The following SMC1A variants were observed in gnomAD, a reference collection of about 807,000 sequenced individuals.
SMC1A encodes the protein structural maintenance of chromosomes protein 1A.
A neutral mutation model predicts 94.5 loss-of-function variants in SMC1A; 4 were observed. The ratio of observed to expected loss-of-function variants is 0.04; its 90% CI spans 0.02 to 0.10. The LOEUF (loss-of-function observed/expected upper bound fraction) is 0.10. Among genes scored for constraint, SMC1A ranks in the 10% least tolerant of loss-of-function variants. The pLI, the probability that SMC1A is intolerant of heterozygous loss-of-function variation, is 1.00. For synonymous variants in SMC1A, 345 were observed against 347.7 expected, an observed-to-expected ratio of 0.99 and a Z score of 0.09; for missense variants, 304 against 989.0, an observed-to-expected ratio of 0.31 and a Z score of 9.29.
chrX:53,383,336 G>T, intron 19 of SMC1A, 83 bp from the exon 20 acceptor site: 1 of 1,004,389 alleles, frequency 1.0e-6, no homozygotes, highest in Non-Finnish European at 1.4e-6. Flanking sequence ...GACTGAGTGT[G>T]GCCTGGGCGC....
At chrX:53,420,905 T>C (rs2075751947) in intron 1 of SMC1A, among the ~76,000 whole-genome samples, 1 of 111,932 alleles carries the variant, frequency 8.9e-6, no homozygotes, top group Non-Finnish European at 1.9e-5. Context: ...ACCATCAATA[T>C]AGGACTTAAT....
chrX:53,383,862 G>A (rs2075594596), intron 19 of SMC1A, among the ~76,000 whole-genome samples: 1 of 111,763 alleles, frequency 8.9e-6, no homozygotes, highest in Non-Finnish European at 1.9e-5. Flanking sequence ...GAGCTCAGGG[G>A]TCTAACAGAG....
chrX:53,413,911 T>C (rs1333882649), intron 3 of SMC1A, among the ~76,000 whole-genome samples: 2 of 110,013 alleles, frequency 1.8e-5, no homozygotes, highest in African/African-American at 6.6e-5. Flanking sequence ...ACTCCATCTC[T>C]ACCCAAAATA....
intron 13 of SMC1A, among the ~76,000 whole-genome samples, chrX:53,404,746 C>T (rs1286571562): frequency 1.8e-5 from 2 of 111,309 alleles, no homozygotes; most frequent in African/African-American, 6.5e-5. Flanking sequence ...TCCACCGTGC[C>T]CGGCCGAGTA....
intron 19 of SMC1A, among the ~76,000 whole-genome samples, chrX:53,387,247 G>C (rs1556886559): frequency 8.9e-6 from 1 of 111,832 alleles, no homozygotes; most frequent in South Asian, 3.7e-4. Context: ...CACCCACCTC[G>C]GCCTCCCAAA....
intron 1 of SMC1A, among the ~76,000 whole-genome samples, chrX:53,416,100 A>G (rs1269199770): frequency 1.8e-5 from 2 of 108,344 alleles, no homozygotes; most frequent in African/African-American, 6.7e-5. Context: ...TCAGGAGTTC[A>G]AGACCAGCCT....
Position 53,377,992 on chromosome X carries a change from A to G in SMC1A, c.*2111T>C, listed in dbSNP as rs1416464735. ...ACAAATTTATTTTGTTTTGATAGTT[A>G]TGTCTTTTAATATGTATTAGAAGAA... On this transcript the variant is annotated 3_prime_UTR_variant, in exon 25 of 25. Coordinates refer to ENST00000322213, the MANE Select transcript of SMC1A (RefSeq NM_006306.4). 1.8e-5 allele frequency: 2 copies of G among 111,960 alleles called. No homozygotes were observed. The highest frequency in any genetic ancestry group is 6.5e-5 in the African/African-American group (2 of 30,670). 9.2% of individuals were successfully genotyped at this position (111,960 alleles called of 1,213,427 possible).
At position 53,381,006 on chromosome X, in the gene SMC1A, C is replaced by A; in HGVS notation, c.3507+12G>T. The A allele has an allele frequency of 5.8e-6, 7 of 1,202,780 alleles. No individual in the cohort carries two copies. The highest frequency in any genetic ancestry group is 7.9e-6 in the Non-Finnish European group (7 of 887,460). ...GGGCATCCCTCCCAGGCCCCACTTT[C>A]TTTGCACCCACCTTGCCAATGTTGG... On this transcript the variant is annotated intron_variant, in intron 23 of 24. Transcript: ENST00000322213.
intron 15 of SMC1A, 54 bp from the exon 16 acceptor site, chrX:53,399,784 C>T: frequency 3.6e-6 from 4 of 1,126,050 alleles, no homozygotes; most frequent in Non-Finnish European, 4.8e-6. Flanking sequence ...CCAGAGATAA[C>T]CAATGTACAA....
intron 22 of SMC1A, 41 bp from the exon 23 acceptor site, chrX:53,381,128 AG>A (rs2075581088): frequency 5.4e-6 from 2 of 372,400 alleles, no homozygotes; most frequent in Non-Finnish European, 1.0e-5. Context: ...TGAGGCGGGG[AG>A]GGGGTGGCAA....
rs376455825 is a variant in SMC1A at position 53,409,412 on chromosome X, G to A, written c.1337+9C>T. ...TGGAAGTAAGGGGGACAGATGCAGA[G>A]CTACATACTTGCTAGTGGTGATGTA... is the stretch of plus-strand genomic sequence containing the variant. On this transcript the variant is annotated intron_variant, in intron 8 of 24. Coordinates refer to ENST00000322213, the MANE Select transcript of SMC1A (RefSeq NM_006306.4). 2.8e-5 allele frequency: 33 copies of A among 1,190,029 alleles called. No homozygotes were observed. The African/African-American group carries it at 5.6e-4, about 20-fold the overall frequency.
chrX:53,380,264 G>T, intron 24 of SMC1A, 78 bp from the exon 25 acceptor site: 1 of 735,992 alleles, frequency 1.4e-6, no homozygotes, highest in Non-Finnish European at 2.1e-6. Flanking sequence ...AGGACCAGGG[G>T]CCTCAAACCC....
In SMC1A at chrX:53,390,973, CAAAAAAAAAAAAAAAA is replaced by C. The variant is rs782771730; in HGVS notation, c.2973+3789_2973+3804del. Among the ~76,000 whole-genome samples, 6 of 34,325 alleles carry C rather than the reference CAAAAAAAAAAAAAAAA, an allele frequency of 1.7e-4. No individual in the cohort carries two copies. The South Asian group carries it at 0.016, about 91-fold the overall frequency. 29.8% of individuals were successfully genotyped at this position (34,325 alleles called of 115,157 possible). A position where few individuals can be genotyped will look rare whatever the true frequency, so the allele number is the denominator to read the frequency against. The stretch of plus-strand genomic sequence containing the variant: ...CGCCACTGAACTCCAGACTCCGTCT[CAAAAAAAAAAAAAAAA>C]AAAAAAAAGAAAAAGAAAAAAAAAA... On this transcript the variant is annotated intron_variant, in intron 19 of 24. Transcript: ENST00000322213.
rs1556889657 is a variant in SMC1A, at chrX:53,405,969, G to C, written c.1546-13C>G. ...TGAGGCGGCCGTACTGAGTAAAGTAGGAAGGGAAAACTGAAGTATGAAGCT... is the reference window on the plus strand; with the variant it reads ...TGAGGCGGCCGTACTGAGTAAAGTACGAAGGGAAAACTGAAGTATGAAGCT... On this transcript the variant is annotated splice_polypyrimidine_tract_variant and intron_variant, in intron 9 of 24. Coordinates refer to ENST00000322213, the MANE Select transcript of SMC1A (RefSeq NM_006306.4). 1.7e-6 allele frequency: 2 copies of C among 1,207,437 alleles called. No individual in the cohort carries two copies. The highest frequency in any genetic ancestry group is 2.2e-6 in the Non-Finnish European group (2 of 891,564).
At chrX:53,407,219 A>AT (rs782315784) in intron 9 of SMC1A, among the ~76,000 whole-genome samples, 1 of 111,908 alleles carries the variant, frequency 8.9e-6, no homozygotes, top group Non-Finnish European at 1.9e-5. Context: ...GGGGCTGGTT[A>AT]CCAGAAAGAC....
intron 1 of SMC1A, among the ~76,000 whole-genome samples, chrX:53,421,732 C>T (rs976990638): frequency 1.8e-5 from 2 of 112,417 alleles, no homozygotes; most frequent in East Asian, 5.6e-4. Context: ...AATATAAGTT[C>T]CCTGTGAGCA....
chrX:53,403,290 T>C (rs186450575), intron 15 of SMC1A, among the ~76,000 whole-genome samples: 158 of 110,012 alleles, frequency 1.4e-3, no homozygotes, highest in African/African-American at 4.9e-3. Context: ...TTTGCAGATA[T>C]TGCAGCTTAC....
rs1002535515 is a variant in SMC1A, at chrX:53,404,860, A to G, written c.2196+152T>C. The G allele has an allele frequency of 1.5e-5, 9 of 598,829 alleles. No homozygotes were observed. The Admixed American group carries it at 2.4e-4, about 16-fold the overall frequency. The allele number at this position is 598,829 out of a possible 1,213,427, so 49.4% of individuals were successfully genotyped here. On this transcript the variant is annotated intron_variant, in intron 13 of 24. Transcript: ENST00000322213. ...AACTCAAGGCAGAGCCAAGCTCTGA[A>G]CCCCTGGCTGTCTGACTCTATGCTA...
At chrX:53,392,253 G>T (rs782616425) in intron 19 of SMC1A, among the ~76,000 whole-genome samples, 7 of 108,456 alleles carry the variant, frequency 6.5e-5, no homozygotes, top group Non-Finnish European at 1.3e-4. Context: ...TTAGCCGGGC[G>T]TGGTGGCAGG....
Sources: gnomAD v4.1 joint callset for allele counts (sites outside exome capture counted in the v4.1 genomes callset) on GRCh38, gnomAD v4.1.1 for gene constraint, MANE v1.5 for transcripts, NCBI Gene and HGNC (gene_info 2026-07-23, HGNC 2026-07-21) for gene names.